ZNFX1: variants seen among roughly 807,000 people sequenced by gnomAD.
ZNFX1 encodes zinc finger NFX1-type containing 1.
In ZNFX1, 78 loss-of-function variants were observed where a neutral mutation model predicts 179.8. That is an observed-to-expected ratio of 0.43 (90% CI 0.36 to 0.52). ZNFX1 has a LOEUF of 0.52. Ranked by LOEUF, ZNFX1 falls within the 20% of genes least tolerant of loss-of-function variation. ZNFX1 has a pLI of 0.00. For synonymous variants in ZNFX1, 848 were observed against 868.5 expected, an observed-to-expected ratio of 0.98 and a Z score of 0.42; for missense variants, 1,927 against 2,386.6, an observed-to-expected ratio of 0.81 and a Z score of 4.01.
chr20:49,263,185 A>G (rs776287243), intron 6 of ZNFX1, 149 bp downstream of exon 6: 5 of 967,914 alleles, frequency 5.2e-6, no homozygotes, highest in Non-Finnish European at 7.5e-6. Context: ...CAGCATATTC[A>G]GCTGCCTCTC....
intron 5 of ZNFX1, among the ~76,000 whole-genome samples, chr20:49,264,271 C>T (rs1048887471): frequency 6.6e-6 from 1 of 152,108 alleles, no homozygotes; most frequent in African/African-American, 2.4e-5. Context: ...TTGGATTTTC[C>T]AATTTGAGAT....
Position 49,270,865 on chromosome 20 carries a change from A to G in ZNFX1, c.947T>C (p.Val316Ala), listed in dbSNP as rs768590955. The change falls in exon 3 of 14, where the codon GTG becomes GCG. Residue 316 changes from valine (V) to alanine (A), a missense_variant. Physicochemically the swap from Val to Ala is moderately conservative, Grantham distance 64 (BLOSUM62 0). Transcript: ENST00000396105. This position sits in a 1 kb window ranked among gnomAD's most constrained non-coding sequence, Gnocchi z 4.6. The stretch of plus-strand genomic sequence containing the variant: ...AGGCTGCACTAGAGTGTAGGTATCC[A>G]CTCTCAAAGTGCCCTCTCGCCTCTT... ...QEKRREGTLR[V>A]DTYTLVQPEA... The G allele has an allele frequency of 1.2e-6, 2 of 1,613,870 alleles. No homozygotes were observed. The highest frequency in any genetic ancestry group is 1.7e-6 in the Non-Finnish European group (2 of 1,179,962).
At chr20:49,260,881 G>A (rs1182773031) in intron 6 of ZNFX1, among the ~76,000 whole-genome samples, 1 of 152,300 alleles carries the variant, frequency 6.6e-6, no homozygotes, top group East Asian at 1.9e-4. Flanking sequence ...ACGAGTTTGA[G>A]ACCAGCCTGG....
chr20:49,269,112 C>G (rs191516888), intron 3 of ZNFX1, among the ~76,000 whole-genome samples: 138 of 152,256 alleles, frequency 9.1e-4, no homozygotes, highest in African/African-American at 3.2e-3. Context: ...AACCTAGATG[C>G]CCAACAATGG....
rs1254450031 is a variant in ZNFX1, at chr20:49,264,726, G to A, written c.2141C>T (p.Ala714Val). The A allele has an allele frequency of 6.2e-7, 1 of 1,613,964 alleles. No individual in the cohort carries two copies. The highest frequency in any genetic ancestry group is 8.5e-7 in the Non-Finnish European group (1 of 1,180,030). The change falls in exon 5 of 14, where the codon GCC (alanine) becomes GTC (valine). Residue 714 changes from alanine (A) to valine (V), a missense_variant. Physicochemically the swap from Ala to Val is moderately conservative, Grantham distance 64. Coordinates refer to ENST00000396105, the MANE Select transcript of ZNFX1 (RefSeq NM_021035.3). ...RRNLPMHLRRAYMSIMTQMKE... is the reference protein window; with the variant it reads ...RRNLPMHLRRVYMSIMTQMKE... The stretch of plus-strand genomic sequence containing the variant: ...AGAGCTGGGACTTACACTCATGTAG[G>A]CCCTTCGGAGGTGCATGGGGAGGTT...
chr20:49,266,121 C>T lies in ZNFX1; in HGVS notation c.2002+14G>A. The stretch of plus-strand genomic sequence containing the variant: ...AACATCTTGATAGAGAACAAATTTG[C>T]CTATAAGTATTACCTTCCAGAAACT... On this transcript the variant is annotated intron_variant, in intron 4 of 13. Coordinates refer to ENST00000396105, the MANE Select transcript of ZNFX1 (RefSeq NM_021035.3). 1.9e-5 allele frequency: 31 copies of T among 1,602,946 alleles called. No homozygotes were observed. Among genetic ancestry groups the T allele is most frequent in the Non-Finnish European group, 2.2e-5 (26 of 1,177,254 alleles).
chr20:49,246,776 T>C lies in ZNFX1; in HGVS notation c.*491A>G. 4.5e-6 allele frequency: 2 copies of C among 442,256 alleles called. No individual in the cohort carries two copies. Among genetic ancestry groups the C allele is most frequent in the South Asian group, 3.2e-5 (2 of 61,918 alleles). 27.4% of individuals were successfully genotyped at this position (442,256 alleles called of 1,614,324 possible). A position where few individuals can be genotyped will look rare whatever the true frequency, so the allele number is the denominator to read the frequency against. ...TTAACTTTGCTCTCAGTTCTGGAGA[T>C]AAAGTGCTTACTCTAGCGCAGGGGT... is the stretch of plus-strand genomic sequence containing the variant. On this transcript the variant is annotated 3_prime_UTR_variant, in exon 14 of 14. Transcript: ENST00000396105.
In ZNFX1 at chr20:49,247,188, A is replaced by G; in HGVS notation, c.*79T>C. 1 of 1,520,136 alleles carries G rather than the reference A, an allele frequency of 6.6e-7. No homozygotes were observed. Among genetic ancestry groups the G allele is most frequent in the African/African-American group, 1.4e-5 (1 of 71,990 alleles). 94.2% of individuals were successfully genotyped at this position (1,520,136 alleles called of 1,614,324 possible). A position where few individuals can be genotyped will look rare whatever the true frequency, so the allele number is the denominator to read the frequency against. The stretch of plus-strand genomic sequence containing the variant: ...AGCCTAAAAAGGATGATAATAAAAA[A>G]CAAACTTCAGTTCCTTCATTAGGGA... On this transcript the variant is annotated 3_prime_UTR_variant, in exon 14 of 14. Coordinates refer to ENST00000396105, the MANE Select transcript of ZNFX1 (RefSeq NM_021035.3).
intron 6 of ZNFX1, among the ~76,000 whole-genome samples, chr20:49,261,744 C>T (rs2146735864): frequency 6.6e-6 from 1 of 151,382 alleles, no homozygotes; most frequent in African/African-American, 2.4e-5. Context: ...CTCCCAGGTT[C>T]ACACCATTCT....
chr20:49,251,701 A>G lies in ZNFX1; in HGVS notation c.3217-79T>C, dbSNP rs1980841264. On this transcript the variant is annotated intron_variant, in intron 12 of 13. Coordinates refer to ENST00000396105, the MANE Select transcript of ZNFX1 (RefSeq NM_021035.3). ...TTTCTTTAAAGATAAGGTTGCTGTT[A>G]GAAAATTTAGGGAGGGCCAGTTGTG... 2.3e-6 allele frequency: 3 copies of G among 1,286,834 alleles called. No homozygotes were observed. In the East Asian group the frequency reaches 7.4e-5, roughly 32 times the overall value. 79.7% of individuals were successfully genotyped at this position (1,286,834 alleles called of 1,614,324 possible). A position where few individuals can be genotyped will look rare whatever the true frequency, so the allele number is the denominator to read the frequency against.
chr20:49,263,335 T>C lies in ZNFX1; in HGVS notation c.2300A>G (p.Gln767Arg). The change falls in exon 6 of 14, where the codon CAG becomes CGG. Residue 767 changes from glutamine (Q) to arginine (R), a missense_variant and splice_region_variant. Physicochemically the swap from Gln to Arg is conservative, Grantham distance 43. Transcript: ENST00000396105. ...TGTGTCCCCCAGGATGACCCCTACCTGCACTGGTCCATTCATGAGACTTTC... is the reference window on the plus strand; with the variant it reads ...TGTGTCCCCCAGGATGACCCCTACCCGCACTGGTCCATTCATGAGACTTTC... ...HWESLMNGPV[Q>R]DSEWICFQHW... is the part of the protein sequence containing the mutation. 1 of 1,613,052 alleles carries C rather than the reference T, an allele frequency of 6.2e-7. No homozygotes were observed. Among genetic ancestry groups the C allele is most frequent in the Non-Finnish European group, 8.5e-7 (1 of 1,179,994 alleles).
chr20:49,274,997 C>T (rs987091673), intron 2 of ZNFX1, among the ~76,000 whole-genome samples: 2 of 151,428 alleles, frequency 1.3e-5, no homozygotes, highest in African/African-American at 2.4e-5. Flanking sequence ...GTGGTGGGCA[C>T]CTGTAATCCC....
chr20:49,269,844 A>C (rs1981336427), intron 3 of ZNFX1, 98 bp downstream of exon 3: 2 of 1,407,866 alleles, frequency 1.4e-6, no homozygotes, highest in East Asian at 4.6e-5. Context: ...AAATAAAATA[A>C]GTAAATAAGA....
At chr20:49,258,575 G>A (rs1199741290) in intron 7 of ZNFX1, among the ~76,000 whole-genome samples, 2 of 152,174 alleles carry the variant, frequency 1.3e-5, no homozygotes, top group African/African-American at 4.8e-5. Flanking sequence ...GGAGGCTGAG[G>A]TGGGTGGATC....
In ZNFX1 at chr20:49,253,706, T is replaced by C; in HGVS notation, c.3065A>G (p.Lys1022Arg). The change falls in exon 11 of 14, where the codon AAA (lysine) becomes AGA (arginine). Residue 1022 changes from lysine to arginine, a missense_variant. Physicochemically the swap from Lys to Arg is conservative, Grantham distance 26. Transcript: ENST00000396105. ...AATCAAAATGAGGTGCTGGCAAGCT[T>C]TGCTCAATGTGGCAATGGTATGGGC... is the stretch of plus-strand genomic sequence containing the variant. ...LEAHTIATLS[K>R]ACQHLILIGD... 6.2e-7 allele frequency: 1 copy of C among 1,614,198 alleles called. No homozygotes were observed. Among genetic ancestry groups the C allele is most frequent in the Non-Finnish European group, 8.5e-7 (1 of 1,180,024 alleles).
At chr20:49,256,795 GC>G (rs1980980678) in intron 8 of ZNFX1, among the ~76,000 whole-genome samples, 2 of 152,166 alleles carry the variant, frequency 1.3e-5, no homozygotes, top group African/African-American at 4.8e-5. Flanking sequence ...ATCCAAAGTT[GC>G]CCTTGAAAGT....
intron 2 of ZNFX1, among the ~76,000 whole-genome samples, chr20:49,275,536 T>C (rs1207860815): frequency 6.6e-6 from 1 of 152,126 alleles, no homozygotes; most frequent in Middle Eastern, 3.2e-3. Context: ...ATATATTTTT[T>C]TGTAGAGAAA....
At position 49,271,116 on chromosome 20, in the gene ZNFX1, G is replaced by A. The variant is rs1457598273; in HGVS notation, c.696C>T (p.Pro232=). The stretch of plus-strand genomic sequence containing the variant: ...GATACTGGTTTCGGATGTCAGGGAT[G>A]GGTTCAGTGATCATCCCTACCACAT... The part of the protein sequence containing the change: ...PAYVVGMITE[P]IPDIRNQYPE... The change falls in exon 3 of 14, where the codon CCC becomes CCT. Residue 232 remains proline, a synonymous_variant. Transcript: ENST00000396105. 1 of 1,614,158 alleles carries A rather than the reference G, an allele frequency of 6.2e-7. No homozygotes were observed. Among genetic ancestry groups the A allele is most frequent in the South Asian group, 1.1e-5 (1 of 91,076 alleles).
At position 49,247,509 on chromosome 20, in the gene ZNFX1, T is replaced by C; in HGVS notation, c.5515A>G (p.Ile1839Val). The change falls in exon 14 of 14, where the codon ATA becomes GTA. Residue 1839 changes from isoleucine to valine, a missense_variant. Physicochemically the swap from Ile to Val is conservative, Grantham distance 29. Transcript: ENST00000396105. ...EEERVQIVSAIGYPRGHWFKC... is the reference protein window; with the variant it reads ...EEERVQIVSAVGYPRGHWFKC... ...AACCAGTGACCACGAGGATAACCTA[T>C]GGCACTGACAATCTGCACTCGCTCT... 2 of 1,614,190 alleles carry C rather than the reference T, an allele frequency of 1.2e-6. No individual in the cohort carries two copies. The highest frequency in any genetic ancestry group is 1.1e-5 in the South Asian group (1 of 91,082).
Sources: allele counts gnomAD v4.1 joint callset (sites outside exome capture counted in the v4.1 genomes callset), GRCh38; gene constraint gnomAD v4.1.1; non-coding constraint Gnocchi (gnomAD v3.1); transcripts MANE v1.5; gene names NCBI Gene and HGNC (gene_info 2026-07-23, HGNC 2026-07-21).